Variants in METTL15 observed in about 807,000 individuals in gnomAD.
METTL15 encodes the protein 12S rRNA N(4)-cytidine methyltransferase METTL15.
METTL15 carries 34 observed loss-of-function variants against 38.3 expected under a neutral mutation model. The observed-to-expected ratio is 0.89, with a 90% CI of 0.68 to 1.18. The LOEUF is 1.18. METTL15 is among the 50% of genes most tolerant of loss of function. The pLI is 0.00. For synonymous variants in METTL15, 162 were observed against 170.9 expected (o/e 0.95, Z 0.41); for missense variants, 438 against 498.4 (o/e 0.88, Z 1.15).
Position 28,372,770 on chromosome 11 carries a change from T to TC in METTL15, c.*358+10740dup, listed in dbSNP as rs1191071153. On this transcript the variant is annotated intron_variant and NMD_transcript_variant, in intron 5 of 7. Transcript: ENST00000532947. ...ATCTCATAATGCTATCCCTCCCCCC[T>TC]CCCCCCACCCCACAACAGTCCCCAC... Among the ~76,000 whole-genome samples the TC allele has an allele frequency of 5.1e-5, 3 of 59,284 alleles. No individual in the cohort carries two copies. In the Admixed American group the frequency reaches 8.2e-4, roughly 16 times the overall value. 38.9% of individuals were successfully genotyped at this position (59,284 alleles called of 152,430 possible). A position where few individuals can be genotyped will look rare whatever the true frequency, so the allele number is the denominator to read the frequency against.
At chr11:28,510,703 A>G (rs1178522555) in intron 6 of METTL15, among the ~76,000 whole-genome samples, 3 of 152,174 alleles carry the variant, frequency 2.0e-5, no homozygotes, top group Non-Finnish European at 4.4e-5. Context: ...TAAGTATGCA[A>G]ACTGAGTAGC....
At chr11:28,412,919 T>A (rs1850741236) in intron 5 of METTL15, among the ~76,000 whole-genome samples, 1 of 151,970 alleles carries the variant, frequency 6.6e-6, no homozygotes, top group African/African-American at 2.4e-5. Context: ...CAATAGTAAC[T>A]ATGTGAAATG....
chr11:28,393,000 A>G (rs1850527986), intron 5 of METTL15, among the ~76,000 whole-genome samples: 1 of 152,126 alleles, frequency 6.6e-6, no homozygotes, highest in Non-Finnish European at 1.5e-5. Flanking sequence ...AAAAAGAAAA[A>G]AAAGCAAAAC....
intron 4 of METTL15, among the ~76,000 whole-genome samples, chr11:28,259,168 G>A (rs923888983): frequency 6.6e-6 from 1 of 152,070 alleles, no homozygotes; most frequent in Non-Finnish European, 1.5e-5. Flanking sequence ...GTCTAGAAAT[G>A]TCATCCAAGA....
intron 6 of METTL15, among the ~76,000 whole-genome samples, chr11:28,448,859 A>G (rs893125579): frequency 1.3e-5 from 2 of 149,158 alleles, no homozygotes; most frequent in African/African-American, 2.4e-5. Flanking sequence ...AATGTATAAT[A>G]TTTATTATGC....
chr11:28,355,387 A>G (rs562039058), intron 4 of METTL15, among the ~76,000 whole-genome samples: 1 of 152,320 alleles, frequency 6.6e-6, no homozygotes, highest in East Asian at 1.9e-4. Flanking sequence ...TTGTAGGTTA[A>G]TAGTAGTTCT....
At chr11:28,279,822 C>T (rs1228189725) in intron 4 of METTL15, among the ~76,000 whole-genome samples, 1 of 151,824 alleles carries the variant, frequency 6.6e-6, no homozygotes, top group Non-Finnish European at 1.5e-5. Context: ...TCGCTTGAAC[C>T]CGGGAGGCGG....
chr11:28,303,154 G>A (rs1386580514), intron 6 of METTL15, among the ~76,000 whole-genome samples: 5 of 151,948 alleles, frequency 3.3e-5, no homozygotes, highest in African/African-American at 1.2e-4. Context: ...TTCATTCTCC[G>A]GTTACATCAA....
chr11:28,225,034 T>A lies in METTL15; in HGVS notation c.407+13836T>A, dbSNP rs967264655. Among the ~76,000 whole-genome samples, 8 of 151,822 alleles carry A rather than the reference T, an allele frequency of 5.3e-5. 1 individual carries two copies. The highest frequency in any genetic ancestry group is 1.7e-4 in the African/African-American group (7 of 41,438). On this transcript the variant is annotated intron_variant, in intron 4 of 6. Transcript: ENST00000407364. ...GATAAAAAGTATTTAAACACTTTTT[T>A]AAGTATGTTTTTAAAATAATATTTA...
At chr11:28,231,345 C>G (rs1225549262) in intron 4 of METTL15, among the ~76,000 whole-genome samples, 1 of 151,704 alleles carries the variant, frequency 6.6e-6, no homozygotes. Context: ...GAAGAGTACT[C>G]ATTACATAGG....
At chr11:28,138,679 T>C (rs1267832034) in intron 3 of METTL15, among the ~76,000 whole-genome samples, 1 of 152,182 alleles carries the variant, frequency 6.6e-6, no homozygotes, top group Non-Finnish European at 1.5e-5. Context: ...AAAGTACTCA[T>C]TCCCTATGCC....
intron 5 of METTL15, among the ~76,000 whole-genome samples, chr11:28,292,447 C>T (rs934295362): frequency 5.3e-5 from 8 of 152,132 alleles, no homozygotes; most frequent in Admixed American, 5.2e-4. Flanking sequence ...TTTTCTTAAT[C>T]CAGTCTATCA....
chr11:28,499,319 A>T (rs759639274), intron 6 of METTL15, among the ~76,000 whole-genome samples: 3 of 152,216 alleles, frequency 2.0e-5, no homozygotes, highest in African/African-American at 7.2e-5. Context: ...ACACACACTC[A>T]TACAATAATT....
At chr11:28,326,305 G>A (rs1208189592) in intron 6 of METTL15, among the ~76,000 whole-genome samples, 1 of 150,218 alleles carries the variant, frequency 6.7e-6, no homozygotes, top group East Asian at 2.0e-4. Flanking sequence ...TTTTTATCTT[G>A]TGTTCTTGAT....
At chr11:28,422,470 G>A (rs185785966) in intron 5 of METTL15, among the ~76,000 whole-genome samples, 156 of 152,050 alleles carry the variant, frequency 1.0e-3, no homozygotes, top group African/African-American at 1.9e-3. Context: ...AAACAGCATG[G>A]TGCTGGCATA....
rs1399760493 is a variant in METTL15, at chr11:28,236,430, C to T, written c.407+25232C>T. ...TGGTAGAATTCGGCTATGAATCCATCTGGTCCTGGACTCTTTTTGGTTGGT... is the reference window on the plus strand; with the variant it reads ...TGGTAGAATTCGGCTATGAATCCATTTGGTCCTGGACTCTTTTTGGTTGGT... On this transcript the variant is annotated intron_variant, in intron 4 of 6. Coordinates refer to ENST00000407364, the MANE Select transcript of METTL15 (RefSeq NM_001113528.2). Among the ~76,000 whole-genome samples the T allele has an allele frequency of 2.0e-5, 3 of 152,142 alleles. No homozygotes were observed. The East Asian group carries it at 5.8e-4, about 29-fold the overall frequency.
At chr11:28,269,198 A>G (rs934313220) in intron 4 of METTL15, among the ~76,000 whole-genome samples, 1 of 152,198 alleles carries the variant, frequency 6.6e-6, no homozygotes, top group Non-Finnish European at 1.5e-5. Context: ...ACTGGAAACC[A>G]TTAGCGATGC....
At chr11:28,257,188 A>G (rs577312836) in intron 4 of METTL15, among the ~76,000 whole-genome samples, 12 of 152,164 alleles carry the variant, frequency 7.9e-5, no homozygotes, top group African/African-American at 2.4e-4. Flanking sequence ...TTTTTCTTTC[A>G]GCACTTGAAA....
At chr11:28,133,366 G>C (rs548758907) in intron 3 of METTL15, among the ~76,000 whole-genome samples, 63 of 152,148 alleles carry the variant, frequency 4.1e-4, no homozygotes, top group Middle Eastern at 3.4e-3. Context: ...GGCTTACTGT[G>C]GTCACTTTAG....
Sources: allele counts gnomAD v4.1 joint callset (sites outside exome capture counted in the v4.1 genomes callset), GRCh38; gene constraint gnomAD v4.1.1; transcripts MANE v1.5; gene names NCBI Gene and HGNC (gene_info 2026-07-23, HGNC 2026-07-21).